The following SPATA6 variants were observed in gnomAD, a reference collection of about 807,000 sequenced individuals.
The protein encoded by SPATA6 is spermatogenesis associated 6.
Under a neutral mutation model 65.3 loss-of-function variants are expected in SPATA6, and 56 were observed. The ratio of observed to expected loss-of-function variants is 0.86; its 90% CI spans 0.69 to 1.07. The LOEUF (loss-of-function observed/expected upper bound fraction) is 1.07, where lower values mean the gene tolerates loss of function less well. Among genes scored for constraint, SPATA6 ranks in the 50% least tolerant of loss-of-function variants. SPATA6 has a pLI of 0.00. For missense variants in SPATA6, 590 were observed against 594.8 expected (o/e 0.99, Z 0.08); for synonymous variants, 199 against 213.2 (o/e 0.93, Z 0.58).
intron 3 of SPATA6, chr1:48,436,342 T>C: frequency 3.7e-6 from 6 of 1,612,448 alleles, no homozygotes; most frequent in East Asian, 2.2e-5. Context: ...CTGGACAGTT[T>C]TCACTGTTGG....
intron 9 of SPATA6, among the ~76,000 whole-genome samples, chr1:48,360,040 G>C (rs1375300178): frequency 6.6e-6 from 1 of 152,102 alleles, no homozygotes; most frequent in African/African-American, 2.4e-5. Context: ...TAGTGGTGGG[G>C]TTCGCATAGG....
chr1:48,465,442 T>C (rs1657742443), intron 1 of SPATA6, among the ~76,000 whole-genome samples: 1 of 152,096 alleles, frequency 6.6e-6, no homozygotes, highest in South Asian at 2.1e-4. Context: ...TGAGACTCAA[T>C]AGTTCCATTT....
intron 3 of SPATA6, among the ~76,000 whole-genome samples, chr1:48,418,572 A>AT (rs1653009592): frequency 6.9e-6 from 1 of 145,166 alleles, no homozygotes; most frequent in Non-Finnish European, 1.5e-5. Flanking sequence ...AAAAAAAAAA[A>AT]AAAAAATTAG....
intron 3 of SPATA6, among the ~76,000 whole-genome samples, chr1:48,450,946 C>T (rs139080377): frequency 3.8e-4 from 58 of 152,248 alleles, no homozygotes; most frequent in African/African-American, 1.4e-3. Flanking sequence ...GATAAATTAA[C>T]GGAGCTTTTC....
chr1:48,415,922 G>A (rs1052482215), intron 3 of SPATA6, among the ~76,000 whole-genome samples: 9 of 152,092 alleles, frequency 5.9e-5, no homozygotes, highest in South Asian at 2.1e-4. Flanking sequence ...AAACTCTTGC[G>A]CCAGGCACGG....
chr1:48,320,944 A>T (rs1164698564), intron 11 of SPATA6, among the ~76,000 whole-genome samples: 2 of 152,220 alleles, frequency 1.3e-5, no homozygotes, highest in Non-Finnish European at 1.5e-5. Flanking sequence ...TTAAGTTGTC[A>T]TCAGTTTAAA....
At position 48,451,585 on chromosome 1, in the gene SPATA6, C is replaced by G; in HGVS notation, c.205G>C (p.Val69Leu). ...MVFEKVFPDA[V>L]DPGDVVTQLE... ...TGTGTAACCACATCTCCAGGATCTA[C>G]TGCGTCCGGGAACACCTATAGTGAG... The change falls in exon 3 of 13, where the codon GTA becomes CTA. Residue 69 changes from valine (V) to leucine (L), a missense_variant. Transcript: ENST00000371847. 1 of 1,612,648 alleles carries G rather than the reference C, an allele frequency of 6.2e-7. No individual in the cohort carries two copies. The highest frequency in any genetic ancestry group is 1.1e-5 in the South Asian group (1 of 90,674).
At chr1:48,312,661 C>A (rs1238180398) in intron 11 of SPATA6, among the ~76,000 whole-genome samples, 1 of 152,170 alleles carries the variant, frequency 6.6e-6, no homozygotes, top group Non-Finnish European at 1.5e-5. Context: ...CAAAGGAATG[C>A]AGCTCCTCAC....
intron 1 of SPATA6, among the ~76,000 whole-genome samples, chr1:48,467,668 C>T (rs772498712): frequency 1.3e-5 from 2 of 151,920 alleles, no homozygotes; most frequent in Admixed American, 1.3e-4. Flanking sequence ...ATCTGATAAG[C>T]GGTTAATATC....
At chr1:48,449,287 T>C (rs1003409068) in intron 3 of SPATA6, among the ~76,000 whole-genome samples, 2 of 152,198 alleles carry the variant, frequency 1.3e-5, no homozygotes, top group African/African-American at 4.8e-5. Context: ...GGGCGCCTTA[T>C]AATGGAGGAA....
chr1:48,300,649 C>A (rs1644914804), intron 12 of SPATA6, among the ~76,000 whole-genome samples: 1 of 151,868 alleles, frequency 6.6e-6, no homozygotes. Context: ...TGAACAGATG[C>A]AAAAATCCTC....
intron 11 of SPATA6, among the ~76,000 whole-genome samples, chr1:48,351,072 C>T (rs554436555): frequency 6.6e-6 from 1 of 152,036 alleles, no homozygotes; most frequent in African/African-American, 2.4e-5. Flanking sequence ...AGATCCTACA[C>T]ATATTGTTAG....
At chr1:48,270,684 G>A in the SPATA6 span, among the ~76,000 whole-genome samples, 1 of 150,940 alleles carries the variant, frequency 6.6e-6, no homozygotes, top group African/African-American at 2.4e-5. Context: ...AATTCCCTTG[G>A]CTTAAGACCT....
At chr1:48,306,267 C>T (rs1334763897) in intron 11 of SPATA6, among the ~76,000 whole-genome samples, 5 of 151,834 alleles carry the variant, frequency 3.3e-5, no homozygotes, top group Admixed American at 3.3e-4. Flanking sequence ...TATGTAGATA[C>T]AAGCATTCTA....
At chr1:48,417,836 A>AAAAAC (rs1193166937) in intron 3 of SPATA6, among the ~76,000 whole-genome samples, 1 of 152,142 alleles carries the variant, frequency 6.6e-6, no homozygotes, top group Non-Finnish European at 1.5e-5. Flanking sequence ...TCAAAAACAA[A>AAAAAC]AAAACAAAAC....
At chr1:48,400,572 A>C (rs1173987166) in intron 6 of SPATA6, among the ~76,000 whole-genome samples, 1 of 152,044 alleles carries the variant, frequency 6.6e-6, no homozygotes, top group Non-Finnish European at 1.5e-5. Context: ...TCACTTTTAA[A>C]AGCCACCAAT....
At chr1:48,289,399 C>T in the SPATA6 span, among the ~76,000 whole-genome samples, 1 of 152,158 alleles carries the variant, frequency 6.6e-6, no homozygotes, top group African/African-American at 2.4e-5. Context: ...GGGGAGAAAC[C>T]AGAGCAGAAA....
intron 3 of SPATA6, among the ~76,000 whole-genome samples, chr1:48,431,819 A>T (rs1264505281): frequency 6.6e-6 from 1 of 152,252 alleles, no homozygotes; most frequent in African/African-American, 2.4e-5. Flanking sequence ...TACATTAAAA[A>T]ATAAGAAAGG....
In SPATA6 at chr1:48,399,414, A is replaced by C. The variant is rs766734947; in HGVS notation, c.717T>G (p.His239Gln). The C allele has an allele frequency of 5.6e-6, 9 of 1,613,074 alleles. No individual in the cohort carries two copies. The highest frequency in any genetic ancestry group is 7.6e-6 in the Non-Finnish European group (9 of 1,179,464). The change falls in exon 7 of 13, where the codon CAT becomes CAG. Residue 239 changes from histidine (H) to glutamine (Q), a missense_variant. By Grantham distance (24) the His-to-Gln change is conservative. Transcript: ENST00000371847. Reference protein sequence around the residue: ...LSEDTRRRLAHLNLGPYEFKK... With the variant: ...LSEDTRRRLAQLNLGPYEFKK... ...TGAACTCATAGGGTCCCAGATTTAAATGGGCCAGCCGCCGCCTGGTGTCTT... is the reference window on the plus strand; with the variant it reads ...TGAACTCATAGGGTCCCAGATTTAACTGGGCCAGCCGCCGCCTGGTGTCTT...
Sources: allele counts gnomAD v4.1 joint callset (sites outside exome capture counted in the v4.1 genomes callset), GRCh38; gene constraint gnomAD v4.1.1; transcripts MANE v1.5; gene names NCBI Gene and HGNC (gene_info 2026-07-23, HGNC 2026-07-21).